NEB: variants seen among roughly 807,000 people sequenced by gnomAD.
NEB encodes the protein nemaline myopathy type 2.
In NEB, 512 loss-of-function variants were observed where a neutral mutation model predicts 952.2. The ratio of observed to expected loss-of-function variants is 0.54; its 90% confidence interval spans 0.50 to 0.58. NEB has a LOEUF of 0.58. NEB is among the 20% of genes least tolerant of loss of function. The pLI is 0.00. For missense variants in NEB, 8,428 were observed against 9,231.1 expected, an observed-to-expected ratio of 0.91 and a Z score of 3.56; for synonymous variants, 2,900 against 3,149.8, an observed-to-expected ratio of 0.92 and a Z score of 2.66.
At chr2:151,709,257 G>C (rs2099736597) in intron 12 of NEB, among the ~76,000 whole-genome samples, 1 of 152,110 alleles carries the variant, frequency 6.6e-6, no homozygotes, top group African/African-American at 2.4e-5. Context: ...CTTCCTGGGG[G>C]GAGAAGTCCT....
chr2:151,547,649 T>C lies in NEB; in HGVS notation c.20247A>G (p.Gln6749=), dbSNP rs749986606. 3.1e-6 allele frequency: 5 copies of C among 1,613,792 alleles called. No individual in the cohort carries two copies. The highest frequency in any genetic ancestry group is 3.4e-6 in the Non-Finnish European group (4 of 1,179,750). Residue 6749 remains glutamine (Q), a synonymous_variant, in exon 132 of 182, where the codon CAA becomes CAG. Transcript: ENST00000397345. ...TPEIRQVKKT[Q]EAVSELIYKS... is the part of the protein sequence containing the mutation. Reference sequence around the variant, plus strand: ...AAATACCCACCTCACTGACAGCCTCTTGTGTCTTCTTGACTTGGCGGATCT... The same window carrying C: ...AAATACCCACCTCACTGACAGCCTCCTGTGTCTTCTTGACTTGGCGGATCT...
chr2:151,636,249 G>A lies in NEB; in HGVS notation c.9080C>T (p.Ala3027Val), dbSNP rs761366716. 8.7e-6 allele frequency: 14 copies of A among 1,609,764 alleles called. No individual in the cohort carries two copies. The South Asian group carries it at 1.5e-4, about 18-fold the overall frequency. Residue 3027 changes from alanine (A) to valine (V), a missense_variant, in exon 64 of 182, where the codon GCC becomes GTC. Coordinates refer to ENST00000397345, the MANE Select transcript of NEB (RefSeq NM_001164508.2). Reference protein sequence around the residue: ...SDAIPIVAAKASRDIISDYKY... With the variant: ...SDAIPIVAAKVSRDIISDYKY... ...CACGTCACTGATGATGTCCCTGGAG[G>A]CCTTGGCCGCCACGATGGGGATGGC...
At chr2:151,579,080 CAAAAAAAA>C (rs1159995102) in intron 105 of NEB, among the ~76,000 whole-genome samples, 25 of 31,712 alleles carry the variant, frequency 7.9e-4, no homozygotes, top group African/African-American at 7.0e-4. Context: ...GACTCCATCT[CAAAAAAAA>C]AAAAAAAAAA....
At chr2:151,733,507 A>G (rs4425075) in intron 2 of NEB, among the ~76,000 whole-genome samples, 102,110 of 151,962 alleles carry the variant, frequency 0.67, 38,249 homozygotes, top group Non-Finnish European at 0.83. Flanking sequence ...CACTTAGAGA[A>G]AAGACATTTT....
intron 119 of NEB, 146 bp from the exon 120 acceptor site, chr2:151,562,954 T>TTATA (rs139682001): frequency 4.4e-5 from 11 of 249,438 alleles, no homozygotes; most frequent in African/African-American, 2.5e-4. Flanking sequence ...TCTTTATACT[T>TTATA]TATATATATA....
chr2:151,515,399 T>G (rs961527854), intron 157 of NEB, among the ~76,000 whole-genome samples: 5 of 152,200 alleles, frequency 3.3e-5, no homozygotes, highest in African/African-American at 1.2e-4. Flanking sequence ...GTTTTTTTAA[T>G]ATGGGGTCTT....
In NEB at chr2:151,493,839, G is replaced by A; in HGVS notation, c.24608C>T (p.Ala8203Val). 1 of 1,579,972 alleles carries A rather than the reference G, an allele frequency of 6.3e-7. No homozygotes were observed. Among genetic ancestry groups the A allele is most frequent in the Non-Finnish European group, 8.6e-7 (1 of 1,162,038 alleles). The change falls in exon 175 of 182, where the codon GCA becomes GTA. Residue 8203 changes from alanine (A) to valine (V), a missense_variant. Ala to Val is a moderately conservative substitution (Grantham distance 64). Around this residue, in one of 11 missense-constraint regions of NEB, gnomAD observed 3,374 missense variants for 3,651.5 expected, o/e 0.92. Coordinates refer to ENST00000397345, the MANE Select transcript of NEB (RefSeq NM_001164508.2). The part of the protein sequence containing the change: ...SVLYKENLGK[A>V]TPTPFTPEME... ...CTCAGGAGTAAAGGGTGTGGGGGTTGCTTTCCCCAGGTTCTCTTTGTATAA... is the reference window on the plus strand; with the variant it reads ...CTCAGGAGTAAAGGGTGTGGGGGTTACTTTCCCCAGGTTCTCTTTGTATAA...
In NEB at chr2:151,692,310, C is replaced by T. The variant is rs201065426; in HGVS notation, c.1949G>A (p.Cys650Tyr). The T allele has an allele frequency of 5.6e-6, 9 of 1,613,774 alleles. No homozygotes were observed. In the Admixed American group the frequency reaches 6.7e-5, roughly 12 times the overall value. ...ATCAAGTTGATATTTTGGGGTCTCACAGTAATTCATACTCTTTGCCTTTGT... is the reference window on the plus strand; with the variant it reads ...ATCAAGTTGATATTTTGGGGTCTCATAGTAATTCATACTCTTTGCCTTTGT... The part of the protein sequence containing the change: ...EKTKAKSMNY[C>Y]ETPKYQLDTQ... The change falls in exon 21 of 182, where the codon TGT (cysteine) becomes TAT (tyrosine). Residue 650 changes from cysteine to tyrosine, a missense_variant. This residue lies in a region of NEB where 2,851 missense variants were observed against 2,791.5 expected (regional missense o/e 1.02). Transcript: ENST00000397345.
intron 27 of NEB, among the ~76,000 whole-genome samples, chr2:151,686,833 C>T (rs1232166123): frequency 6.6e-6 from 1 of 152,130 alleles, no homozygotes; most frequent in Non-Finnish European, 1.5e-5. Context: ...CAAAATGTTA[C>T]ATGGCCCATA....
intron 85 of NEB, 93 bp from the exon 86 acceptor site, chr2:151,603,865 CAGTT>C: frequency 7.0e-7 from 1 of 1,422,248 alleles, no homozygotes; most frequent in Non-Finnish European, 9.6e-7. Flanking sequence ...CTGTTTAAAT[CAGTT>C]AGGTGGCTAA....
intron 70 of NEB, 146 bp from the exon 71 acceptor site, chr2:151,625,784 T>C: frequency 2.0e-6 from 1 of 489,044 alleles, no homozygotes; most frequent in Non-Finnish European, 3.6e-6. Flanking sequence ...CTCTTTGATT[T>C]TACAAGACAT....
chr2:151,512,121 C>T (rs2074961237), intron 161 of NEB, among the ~76,000 whole-genome samples: 1 of 149,218 alleles, frequency 6.7e-6, no homozygotes, highest in Non-Finnish European at 1.5e-5. Flanking sequence ...AGCTCTGCCT[C>T]CCGGGTTCAC....
rs75333635 is a variant in NEB, at chr2:151,725,532, G to T, written c.323C>A (p.Thr108Lys). 6.2e-7 allele frequency: 1 copy of T among 1,613,166 alleles called. No individual in the cohort carries two copies. Among genetic ancestry groups the T allele is most frequent in the African/African-American group, 1.3e-5 (1 of 74,780 alleles). The change falls in exon 6 of 182, where the codon ACA becomes AAA. Residue 108 changes from threonine (T) to lysine (K), a missense_variant. Around this residue, in one of 11 missense-constraint regions of NEB, gnomAD observed 2,851 missense variants for 2,791.5 expected, o/e 1.02. Coordinates refer to ENST00000397345, the MANE Select transcript of NEB (RefSeq NM_001164508.2). ...TGTGCTGGCGTATGGCTGTCCTTTT[G>T]TTTTCTCAAACTTCTCCTTGTATTT... ...PNKYKEKFEK[T>K]KGQPYASTTD... is the part of the protein sequence containing the mutation.
rs142204833 is a variant in NEB, at chr2:151,723,530, G to A, written c.613-44C>T. ...AAAAGTTAGGAGGAAGTAGGGTCAC[G>A]TTTACACAAAATACATAGTTTTGAA... On this transcript the variant is annotated intron_variant, in intron 8 of 181. Transcript: ENST00000397345. 3.0e-4 allele frequency: 414 copies of A among 1,362,852 alleles called. 2 individuals are homozygous for A. The African/African-American group carries it at 3.3e-3, about 11-fold the overall frequency. The allele number at this position is 1,362,852 out of a possible 1,614,324, so 84.4% of individuals were successfully genotyped here.
At chr2:151,697,015 C>T in intron 16 of NEB, 133 bp downstream of exon 16, 1 of 686,762 alleles carries the variant, frequency 1.5e-6, no homozygotes, top group Non-Finnish European at 2.4e-6. Context: ...AGGATGTTTA[C>T]TACAAAATAG....
chr2:151,623,845 T>C (rs1294923239), intron 71 of NEB, among the ~76,000 whole-genome samples: 2 of 152,142 alleles, frequency 1.3e-5, no homozygotes, highest in African/African-American at 4.8e-5. Context: ...TGGGAAAAAA[T>C]GTGCTTCAAT....
intron 52 of NEB, among the ~76,000 whole-genome samples, chr2:151,651,921 A>G (rs1356569331): frequency 6.6e-6 from 1 of 152,234 alleles, no homozygotes; most frequent in African/African-American, 2.4e-5. Context: ...TTCCGTATCA[A>G]GAAAACAACA....
intron 39 of NEB, 37 bp from the exon 40 acceptor site, chr2:151,667,948 C>A (rs769967861): frequency 2.0e-6 from 3 of 1,522,504 alleles, no homozygotes; most frequent in Non-Finnish European, 2.7e-6. Flanking sequence ...TATTTGACAT[C>A]ATTAAAAGAG....
At chr2:151,503,206 A>G in intron 166 of NEB, 143 bp downstream of exon 166, 3 of 638,608 alleles carry the variant, frequency 4.7e-6, no homozygotes, top group South Asian at 2.0e-5. Flanking sequence ...TTGTATTAAC[A>G]TAATTTTGGT....
Sources: allele counts gnomAD v4.1 joint callset (sites outside exome capture counted in the v4.1 genomes callset), GRCh38; gene constraint gnomAD v4.1.1; regional missense constraint gnomAD v4.1.1; transcripts MANE v1.5; gene names NCBI Gene and HGNC (gene_info 2026-07-23, HGNC 2026-07-21).